ZFAND4: variants seen among roughly 807,000 people sequenced by gnomAD.
The protein encoded by ZFAND4 is zinc finger AN1-type containing 4.
Under a neutral mutation model 64.4 loss-of-function variants are expected in ZFAND4, and 43 were observed. The observed-to-expected ratio is 0.67, with a 90% CI of 0.52 to 0.86. The LOEUF (loss-of-function observed/expected upper bound fraction) is 0.86, where lower values mean the gene tolerates loss of function less well. ZFAND4 is among the 40% of genes least tolerant of loss of function. The pLI is 0.00. For synonymous variants in ZFAND4, 296 were observed against 305.7 expected (o/e 0.97, Z 0.33); for missense variants, 929 against 859.8 (o/e 1.08, Z -1.01).
At chr10:45,671,746 C>T (rs1589469436) in intron 1 of ZFAND4, among the ~76,000 whole-genome samples, 2 of 151,622 alleles carry the variant, frequency 1.3e-5, no homozygotes, top group South Asian at 2.1e-4. Context: ...ACGAGTTAGT[C>T]GGTGCAGAAA....
rs766566478 is a variant in ZFAND4 at position 45,626,877 on chromosome 10, A to G, written c.946T>C (p.Phe316Leu). The G allele has an allele frequency of 2.5e-6, 4 of 1,614,226 alleles. No homozygotes were observed. The South Asian group carries it at 3.3e-5, about 13-fold the overall frequency. ...TCCCAGCTATTATCTTCCTTAAGAA[A>G]TTCACCAGTGATAGAAGATATGTAT... ...ERYISSITGE[F>L]LKEDNSWENN... Residue 316 changes from phenylalanine (F) to leucine (L), a missense_variant, in exon 7 of 10, where the codon TTT (phenylalanine) becomes CTT (leucine). Phe to Leu is a conservative substitution (Grantham distance 22). Coordinates refer to ENST00000344646, the MANE Select transcript of ZFAND4 (RefSeq NM_174890.4).
intron 9 of ZFAND4, 34 bp from the exon 10 acceptor site, chr10:45,616,605 T>C (rs2044969451): frequency 1.2e-6 from 2 of 1,611,896 alleles, no homozygotes; most frequent in Non-Finnish European, 1.7e-6. Flanking sequence ...TGAATAGTTG[T>C]ATTTCTATGA....
At position 45,669,076 on chromosome 10, in the gene ZFAND4, C is replaced by T. The variant is rs148985205; in HGVS notation, c.-118+3174G>A. On this transcript the variant is annotated intron_variant, in intron 1 of 9. Coordinates refer to ENST00000344646, the MANE Select transcript of ZFAND4 (RefSeq NM_174890.4). Reference sequence around the variant, plus strand: ...AGCAGAACTGAAGGAAATAGAGACACAAAAATCCCTTCAAAAAATCAATGA... The same window carrying T: ...AGCAGAACTGAAGGAAATAGAGACATAAAAATCCCTTCAAAAAATCAATGA... Among the ~76,000 whole-genome samples, 52 of 152,130 alleles carry T rather than the reference C, an allele frequency of 3.4e-4. No individual in the cohort carries two copies. The East Asian group carries it at 9.1e-3, about 27-fold the overall frequency.
intron 6 of ZFAND4, among the ~76,000 whole-genome samples, chr10:45,635,623 T>C (rs560848660): frequency 1.3e-5 from 2 of 152,278 alleles, no homozygotes; most frequent in Admixed American, 6.5e-5. Flanking sequence ...CTTATGTTCA[T>C]AGCACCATTA....
chr10:45,634,348 C>A (rs949917408), intron 6 of ZFAND4, among the ~76,000 whole-genome samples: 24 of 151,778 alleles, frequency 1.6e-4, no homozygotes, highest in African/African-American at 5.1e-4. Flanking sequence ...CATGGTGAAA[C>A]CCCATCTCTA....
rs1284849366 is a variant in ZFAND4, at chr10:45,626,753, A to G, written c.1070T>C (p.Leu357Pro). 1.2e-6 allele frequency: 2 copies of G among 1,614,254 alleles called. No individual in the cohort carries two copies. The highest frequency in any genetic ancestry group is 1.3e-5 in the African/African-American group (1 of 75,068). The change falls in exon 7 of 10, where the codon CTC (leucine) becomes CCC (proline). Residue 357 changes from leucine (L) to proline (P), a missense_variant. Leu to Pro is a moderately conservative substitution (Grantham distance 98). Coordinates refer to ENST00000344646, the MANE Select transcript of ZFAND4 (RefSeq NM_174890.4). ...CCTAGGCAGGGATGATCCAAGATGG[A>G]GAACAGAGTCAGCAAGCTCCTGGTC... ...GNDQELADSV[L>P]HLGSSLPRQT...
chr10:45,664,722 T>C (rs1201642440), intron 1 of ZFAND4, among the ~76,000 whole-genome samples: 4 of 151,812 alleles, frequency 2.6e-5, no homozygotes, highest in African/African-American at 9.7e-5. Flanking sequence ...GGTCAGGAGA[T>C]CGAGACCATC....
intron 8 of ZFAND4, among the ~76,000 whole-genome samples, chr10:45,622,545 A>C (rs113411420): frequency 0.026 from 3,963 of 152,282 alleles, 173 homozygotes; most frequent in African/African-American, 0.088. Flanking sequence ...GGCATTCTGG[A>C]CTTTCCAGTG....
At chr10:45,638,327 C>CAAA (rs1332591563) in intron 6 of ZFAND4, among the ~76,000 whole-genome samples, 2 of 99,020 alleles carry the variant, frequency 2.0e-5, no homozygotes, top group Non-Finnish European at 4.4e-5. Flanking sequence ...ACTAAAAATA[C>CAAA]AAAAAAAAAA....
At chr10:45,652,911 A>T (rs2133796420) in intron 3 of ZFAND4, 73 bp downstream of exon 3, 2 of 1,192,076 alleles carry the variant, frequency 1.7e-6, no homozygotes, top group Middle Eastern at 2.0e-4. Flanking sequence ...CTAAGAGTTC[A>T]AAAGAAAAAC....
intron 8 of ZFAND4, among the ~76,000 whole-genome samples, chr10:45,622,453 A>C (rs1348362004): frequency 6.6e-6 from 1 of 152,210 alleles, no homozygotes; most frequent in Admixed American, 6.5e-5. Context: ...TGGATATGAC[A>C]CCAAAGGCAC....
intron 2 of ZFAND4, among the ~76,000 whole-genome samples, chr10:45,655,494 T>C (rs1244380779): frequency 1.6e-4 from 25 of 151,754 alleles, no homozygotes; most frequent in Non-Finnish European, 2.9e-5. Context: ...ACAGCTAGCA[T>C]TAGAAAAGAA....
chr10:45,652,081 C>A (rs1292629293), intron 3 of ZFAND4, 48 bp from the exon 4 acceptor site: 4 of 1,578,606 alleles, frequency 2.5e-6, no homozygotes, highest in African/African-American at 1.3e-5. Context: ...AAAATGCATT[C>A]AGTTAAATGT....
chr10:45,635,195 CAA>C (rs1173808756), intron 6 of ZFAND4, among the ~76,000 whole-genome samples: 4 of 27,632 alleles, frequency 1.4e-4, no homozygotes, highest in East Asian at 1.3e-3. Flanking sequence ...GCCATCTAAG[CAA>C]AAAAAAAAAA....
chr10:45,658,794 A>G (rs2048295745), intron 2 of ZFAND4, among the ~76,000 whole-genome samples: 1 of 152,224 alleles, frequency 6.6e-6, no homozygotes, highest in African/African-American at 2.4e-5. Context: ...AGTTATTGGA[A>G]TTTTAAAATA....
At chr10:45,634,813 C>T (rs1471244958) in intron 6 of ZFAND4, among the ~76,000 whole-genome samples, 1 of 151,858 alleles carries the variant, frequency 6.6e-6, no homozygotes, top group Non-Finnish European at 1.5e-5. Context: ...AGTAAAGTTG[C>T]GGGATACAAA....
intron 6 of ZFAND4, among the ~76,000 whole-genome samples, chr10:45,632,897 T>G (rs2046319910): frequency 6.6e-6 from 1 of 152,070 alleles, no homozygotes; most frequent in Admixed American, 6.6e-5. Flanking sequence ...ACAAAGTAAC[T>G]TAAAAGTTAA....
At chr10:45,651,471 T>C (rs2047754502) in intron 4 of ZFAND4, 1 of 436,834 alleles carries the variant, frequency 2.3e-6, no homozygotes, top group East Asian at 7.1e-5. Context: ...TACGTATTTG[T>C]TGAATGAATG....
rs376761698 is a variant in ZFAND4, at chr10:45,626,651, T to C, written c.1172A>G (p.Glu391Gly). 1 of 1,614,140 alleles carries C rather than the reference T, an allele frequency of 6.2e-7. No homozygotes were observed. Among genetic ancestry groups the C allele is most frequent in the Non-Finnish European group, 8.5e-7 (1 of 1,180,054 alleles). Residue 391 changes from glutamate to glycine, a missense_variant, in exon 7 of 10, where the codon GAA (glutamate) becomes GGA (glycine). By Grantham distance (98) the Glu-to-Gly change is moderately conservative. Transcript: ENST00000344646. ...IVLPSEECVT[E>G]QSLLPKVGSL... ...GCCCACTTTAGGTAGAAGTGATTGT[T>C]CGGTTACACATTCTTCTGAAGGTAA...
Sources: allele counts gnomAD v4.1 joint callset (sites outside exome capture counted in the v4.1 genomes callset), GRCh38; gene constraint gnomAD v4.1.1; transcripts MANE v1.5; gene names NCBI Gene and HGNC (gene_info 2026-07-23, HGNC 2026-07-21).